Variants in NRG1 observed in about 807,000 individuals in gnomAD.
NRG1 encodes the protein pro-neuregulin-1, membrane-bound isoform.
NRG1 carries 18 observed loss-of-function variants against 63.8 expected under a neutral mutation model. That is an observed-to-expected ratio of 0.28 (90% CI 0.19 to 0.42). The LOEUF (loss-of-function observed/expected upper bound fraction) is 0.42. Ranked by LOEUF, NRG1 falls within the 10% of genes least tolerant of loss-of-function variation. NRG1 has a pLI of 1.00. For synonymous variants in NRG1, 302 were observed against 301.3 expected, an observed-to-expected ratio of 1.00 and a Z score of -0.02; for missense variants, 762 against 814.7, an observed-to-expected ratio of 0.94 and a Z score of 0.79.
At chr8:32,227,393 A>G (rs1019014589) in intron 1 of NRG1, among the ~76,000 whole-genome samples, 2 of 152,240 alleles carry the variant, frequency 1.3e-5, no homozygotes, top group African/African-American at 4.8e-5. Flanking sequence ...GTAGTACAGT[A>G]TAAGATTTTT....
In NRG1 at chr8:32,744,048, G is replaced by A. The variant is rs772002222; in HGVS notation, c.691+1315G>A. On this transcript the variant is annotated intron_variant, in intron 7 of 11. Transcript: ENST00000356819. ...ATTTAGATTGTCAATTGCTCACCCCGAAAAATATGTCACATAGCTTACTGC... is the reference window on the plus strand; with the variant it reads ...ATTTAGATTGTCAATTGCTCACCCCAAAAAATATGTCACATAGCTTACTGC... 5.3e-5 allele frequency among the ~76,000 whole-genome samples: 8 copies of A among 152,020 alleles called. No individual in the cohort carries two copies. In the South Asian group the frequency reaches 6.2e-4, roughly 12 times the overall value.
intron 7 of NRG1, among the ~76,000 whole-genome samples, chr8:32,750,709 T>TAAAAA (rs1166158435): frequency 2.7e-5 from 1 of 37,074 alleles, no homozygotes. Flanking sequence ...CATTTCTTCC[T>TAAAAA]CAAAAAAAAA....
chr8:31,887,276 C>G, intron 1 of NRG1, among the ~76,000 whole-genome samples: 1 of 151,934 alleles, frequency 6.6e-6, no homozygotes. Context: ...AGAGAAAAGG[C>G]AGAATTAGAG....
intron 1 of NRG1, among the ~76,000 whole-genome samples, chr8:32,007,684 C>T (rs1471342868): frequency 6.6e-6 from 1 of 151,960 alleles, no homozygotes; most frequent in Admixed American, 6.6e-5. Flanking sequence ...TGAGCTATGT[C>T]AATATGTCAA....
chr8:32,063,572 A>G (rs1824239278), intron 1 of NRG1: 1 of 152,126 alleles, frequency 6.6e-6, no homozygotes, highest in Non-Finnish European at 1.5e-5. Context: ...ATCATTATAC[A>G]TCTGTGCTAT....
intron 1 of NRG1, among the ~76,000 whole-genome samples, chr8:31,910,762 TTAAGA>T (rs1463690616): frequency 6.6e-6 from 1 of 152,082 alleles, no homozygotes; most frequent in African/African-American, 2.4e-5. Flanking sequence ...ATTCGAATTT[TTAAGA>T]TAAGATATGG....
At chr8:31,978,182 C>T (rs913839476) in intron 1 of NRG1, among the ~76,000 whole-genome samples, 16 of 152,036 alleles carry the variant, frequency 1.1e-4, no homozygotes. Context: ...TTTATTTCCT[C>T]CTTTAATTTA....
At chr8:32,183,670 T>A (rs1841670995) in intron 1 of NRG1, among the ~76,000 whole-genome samples, 1 of 152,220 alleles carries the variant, frequency 6.6e-6, no homozygotes, top group Non-Finnish European at 1.5e-5. Context: ...AATTTGGTCT[T>A]CATTAATCTC....
intron 1 of NRG1, among the ~76,000 whole-genome samples, chr8:32,538,118 C>A (rs549580138): frequency 1.3e-5 from 2 of 152,232 alleles, no homozygotes; most frequent in South Asian, 2.1e-4. Flanking sequence ...TCCTAAAATG[C>A]TGGGATTACA....
intron 1 of NRG1, among the ~76,000 whole-genome samples, chr8:31,814,220 G>A (rs376648798): frequency 2.6e-5 from 4 of 152,124 alleles, no homozygotes; most frequent in Non-Finnish European, 4.4e-5. Context: ...TCATGAAGAC[G>A]TCCTCACTGA....
At chr8:32,534,613 T>C (rs967718978) in intron 1 of NRG1, among the ~76,000 whole-genome samples, 1 of 152,130 alleles carries the variant, frequency 6.6e-6, no homozygotes, top group Non-Finnish European at 1.5e-5. Context: ...GATGTTGAAA[T>C]ACTTGGCTTT....
chr8:32,126,977 A>G (rs1336260424), intron 1 of NRG1, among the ~76,000 whole-genome samples: 2 of 151,850 alleles, frequency 1.3e-5, no homozygotes, highest in East Asian at 3.9e-4. Context: ...TAGATCACCA[A>G]GAAGAAATGC....
chr8:32,662,610 T>C (rs1403833861), intron 5 of NRG1, among the ~76,000 whole-genome samples: 1 of 152,154 alleles, frequency 6.6e-6, no homozygotes, highest in Non-Finnish European at 1.5e-5. Flanking sequence ...GAGGAGATTG[T>C]TGCTGTAATC....
chr8:32,171,781 C>T (rs948854713), intron 1 of NRG1, among the ~76,000 whole-genome samples: 14 of 152,042 alleles, frequency 9.2e-5, no homozygotes, highest in East Asian at 3.9e-4. Flanking sequence ...AACTGCCAGG[C>T]GGCAGTGAGG....
intron 1 of NRG1, among the ~76,000 whole-genome samples, chr8:31,907,379 T>A (rs1832612175): frequency 6.7e-6 from 1 of 148,372 alleles, no homozygotes. Flanking sequence ...TCCAAACCAG[T>A]CTCAGATTTC....
At chr8:32,387,007 C>T (rs1295505860) in intron 1 of NRG1, among the ~76,000 whole-genome samples, 1 of 152,120 alleles carries the variant, frequency 6.6e-6, no homozygotes, top group African/African-American at 2.4e-5. Flanking sequence ...AGGCTGAGAA[C>T]CAGGAATATG....
chr8:32,256,759 G>A (rs1235826315), intron 1 of NRG1: 1 of 152,354 alleles, frequency 6.6e-6, no homozygotes, highest in South Asian at 2.1e-4. Flanking sequence ...AGAGGGATGG[G>A]GATCAGGGAG....
At position 32,126,347 on chromosome 8, in the gene NRG1, G is replaced by T. The variant is rs534880646; in HGVS notation, c.38-469481G>T. Among the ~76,000 whole-genome samples the T allele has an allele frequency of 3.3e-5, 5 of 152,016 alleles. No individual in the cohort carries two copies. The East Asian group carries it at 5.8e-4, about 18-fold the overall frequency. On this transcript the variant is annotated intron_variant, in intron 1 of 10. Transcript: ENST00000519301. ...GACTTTAGGGGCTGGAAAGCAAATA[G>T]TATATAATGTCCAATTGCTCTTGTT... is the stretch of plus-strand genomic sequence containing the variant.
Position 32,077,080 on chromosome 8 carries a change from T to A in NRG1, c.37+437649T>A, listed in dbSNP as rs959660869. Among the ~76,000 whole-genome samples, 5 of 152,056 alleles carry A rather than the reference T, an allele frequency of 3.3e-5. No homozygotes were observed. In the East Asian group the frequency reaches 9.6e-4, roughly 29 times the overall value. On this transcript the variant is annotated intron_variant, in intron 1 of 10. Coordinates refer to the NRG1 transcript ENST00000519301. ...TAAACACTCTCTCTTTTAAAAAAAA[T>A]TGTTGGCTATACATGTTGGCTCACG...
Sources: allele counts gnomAD v4.1 joint callset (sites outside exome capture counted in the v4.1 genomes callset), GRCh38; gene constraint gnomAD v4.1.1; transcripts MANE v1.5; gene names NCBI Gene and HGNC (gene_info 2026-07-23, HGNC 2026-07-21).